Variants in TMBIM4 observed in about 807,000 individuals in gnomAD.
TMBIM4 encodes the protein transmembrane BAX inhibitor motif containing 4.
Under a neutral mutation model 27.7 loss-of-function variants are expected in TMBIM4, and 28 were observed. The ratio of observed to expected loss-of-function variants is 1.01; its 90% confidence interval spans 0.75 to 1.38. TMBIM4 has a LOEUF of 1.38. Among genes scored for constraint, TMBIM4 ranks in the 40% most tolerant of loss-of-function variants. The probability of loss-of-function intolerance (pLI) is 0.00; values close to 1 mark genes in which losing one functional copy is unlikely to be tolerated. For synonymous variants in TMBIM4, 115 were observed against 113.1 expected (o/e 1.02, Z -0.11); for missense variants, 265 against 277.5 (o/e 0.95, Z 0.32).
intron 5 of TMBIM4, among the ~76,000 whole-genome samples, chr12:66,141,970 C>T (rs764029155): frequency 6.6e-6 from 1 of 152,094 alleles, no homozygotes; most frequent in Non-Finnish European, 1.5e-5. Context: ...TATGAACCAA[C>T]TTTACCTAAT....
rs1408316152 is a variant in TMBIM4, at chr12:66,169,962, G to A, written c.-11C>T. 1.3e-5 allele frequency: 19 copies of A among 1,481,308 alleles called. No individual in the cohort carries two copies. Among genetic ancestry groups the A allele is most frequent in the Non-Finnish European group, 1.7e-5 (19 of 1,116,384 alleles). 91.8% of individuals were successfully genotyped at this position (1,481,308 alleles called of 1,614,324 possible). A position where few individuals can be genotyped will look rare whatever the true frequency, so the allele number is the denominator to read the frequency against. ...GTCGGGGTCAGCCATGATGGCAACA[G>A]CACCCCTACCGGTCCCGGTCCACTA... On this transcript the variant is annotated 5_prime_UTR_variant, in exon 1 of 7. Coordinates refer to ENST00000358230, the MANE Select transcript of TMBIM4 (RefSeq NM_016056.4).
intron 1 of TMBIM4, among the ~76,000 whole-genome samples, chr12:66,157,436 C>T (rs1000927299): frequency 6.6e-6 from 1 of 152,196 alleles, no homozygotes; most frequent in Non-Finnish European, 1.5e-5. Flanking sequence ...AAACTCTAAA[C>T]TAAAACTACC....
chr12:66,153,742 C>T (rs1277491561), intron 1 of TMBIM4, among the ~76,000 whole-genome samples: 1 of 152,004 alleles, frequency 6.6e-6, no homozygotes, highest in Non-Finnish European at 1.5e-5. Context: ...TAGTTGTACA[C>T]AGCAGGATAC....
At chr12:66,143,579 T>C (rs893105821) in intron 5 of TMBIM4, among the ~76,000 whole-genome samples, 2 of 152,142 alleles carry the variant, frequency 1.3e-5, no homozygotes, top group African/African-American at 4.8e-5. Context: ...AGTTATCATA[T>C]GTAGTTCTGA....
chr12:66,152,329 A>G lies in TMBIM4; in HGVS notation c.254T>C (p.Phe85Ser). ...LFALGSLGLIFALILNRHKYP... is the reference protein window; with the variant it reads ...LFALGSLGLISALILNRHKYP... ...CTTATGTCTGTTTAAAATCAACGCAAAAATCAAACCCAGAGATCCGAGGGC... is the reference window on the plus strand; with the variant it reads ...CTTATGTCTGTTTAAAATCAACGCAGAAATCAAACCCAGAGATCCGAGGGC... Residue 85 changes from phenylalanine to serine, a missense_variant, in exon 3 of 7, where the codon TTT becomes TCT. Coordinates refer to ENST00000358230, the MANE Select transcript of TMBIM4 (RefSeq NM_016056.4). The G allele has an allele frequency of 3.7e-6, 6 of 1,611,014 alleles. No homozygotes were observed. Among genetic ancestry groups the G allele is most frequent in the Non-Finnish European group, 5.1e-6 (6 of 1,178,160 alleles).
intron 1 of TMBIM4, chr12:66,160,025 T>G: frequency 1.8e-6 from 1 of 562,964 alleles, no homozygotes; most frequent in Non-Finnish European, 3.2e-6. Flanking sequence ...GCCAGCCCAC[T>G]ACCTGGTTTT....
At chr12:66,144,648 C>T (rs954890702) in intron 5 of TMBIM4, 1 of 152,088 alleles carries the variant, frequency 6.6e-6, no homozygotes, top group Admixed American at 6.6e-5. Context: ...TAGGCGAAAA[C>T]CCAAATACTG....
At chr12:66,151,095 A>G (rs962886141) in intron 3 of TMBIM4, among the ~76,000 whole-genome samples, 1 of 152,206 alleles carries the variant, frequency 6.6e-6, no homozygotes, top group African/African-American at 2.4e-5. Context: ...TAAATGAATA[A>G]TCTTTCCTAT....
chr12:66,169,890 C>T lies in TMBIM4; in HGVS notation c.62G>A (p.Ser21Asn). 1 of 1,503,088 alleles carries T rather than the reference C, an allele frequency of 6.7e-7. No individual in the cohort carries two copies. Among genetic ancestry groups the T allele is most frequent in the Non-Finnish European group, 8.9e-7 (1 of 1,128,132 alleles). 93.1% of individuals were successfully genotyped at this position (1,503,088 alleles called of 1,614,324 possible). ...SSIEDDFNYG[S>N]SVASATVHIR... ...GTGCACGGTGGCGGAGGCCACGCTGCTGCCATAGTTGAAGTCGTCCTCGAT... is the reference window on the plus strand; with the variant it reads ...GTGCACGGTGGCGGAGGCCACGCTGTTGCCATAGTTGAAGTCGTCCTCGAT... Residue 21 changes from serine to asparagine, a missense_variant, in exon 1 of 7, where the codon AGC becomes AAC. Physicochemically the swap from Ser to Asn is conservative, Grantham distance 46. Transcript: ENST00000358230.
chr12:66,153,051 A>T (rs946243896), intron 2 of TMBIM4, among the ~76,000 whole-genome samples: 1 of 152,096 alleles, frequency 6.6e-6, no homozygotes, highest in African/African-American at 2.4e-5. Flanking sequence ...ATAGTCTAAT[A>T]AAGTTTTTAA....
intron 1 of TMBIM4, chr12:66,169,191 A>C (rs2052188342): frequency 2.9e-6 from 2 of 683,258 alleles, no homozygotes; most frequent in Non-Finnish European, 5.3e-6. Flanking sequence ...AAACTAGAGC[A>C]GGCAATGGCT....
chr12:66,137,629 C>T lies in TMBIM4; in HGVS notation c.*331G>A, dbSNP rs934640167. On this transcript the variant is annotated 3_prime_UTR_variant, in exon 7 of 7. Coordinates refer to ENST00000358230, the MANE Select transcript of TMBIM4 (RefSeq NM_016056.4). The stretch of plus-strand genomic sequence containing the variant: ...CAGGATGGTCTCAACCTCTTGACCT[C>T]GTGATCCACCTGCCTCGGTCTCCCA... The T allele has an allele frequency of 3.8e-6, 1 of 262,552 alleles. No homozygotes were observed. Among genetic ancestry groups the T allele is most frequent in the Non-Finnish European group, 7.5e-6 (1 of 133,720 alleles). The allele number at this position is 262,552 out of a possible 1,614,324, so 16.3% of individuals were successfully genotyped here.
chr12:66,140,253 A>G (rs1230366265), intron 5 of TMBIM4, among the ~76,000 whole-genome samples: 2 of 152,212 alleles, frequency 1.3e-5, no homozygotes, highest in Non-Finnish European at 2.9e-5. Context: ...TTCAAGATCG[A>G]GGAAAGAATG....
At chr12:66,165,274 A>G (rs1157254276) in intron 1 of TMBIM4, among the ~76,000 whole-genome samples, 1 of 152,162 alleles carries the variant, frequency 6.6e-6, no homozygotes, top group Non-Finnish European at 1.5e-5. Context: ...AAAAAACAAC[A>G]AAGTTGGAGA....
intron 5 of TMBIM4, among the ~76,000 whole-genome samples, chr12:66,144,286 T>G (rs1454886078): frequency 6.6e-6 from 1 of 152,030 alleles, no homozygotes; most frequent in East Asian, 1.9e-4. Flanking sequence ...CCCGAAAAAC[T>G]ACTGAAATGA....
chr12:66,157,451 T>G (rs1384974066), intron 1 of TMBIM4, among the ~76,000 whole-genome samples: 1 of 152,214 alleles, frequency 6.6e-6, no homozygotes, highest in African/African-American at 2.4e-5. Flanking sequence ...ACTACCCATA[T>G]TCCTGACTCT....
At chr12:66,168,928 CAATT>C (rs1280128771) in intron 1 of TMBIM4, 11 of 199,490 alleles carry the variant, frequency 5.5e-5, no homozygotes, top group Non-Finnish European at 9.2e-5. Context: ...TATTTTACCA[CAATT>C]AATTTTTTTT....
rs2051885102 is a variant in TMBIM4 at position 66,153,465 on chromosome 12, A to G, written c.98-17T>C. The G allele has an allele frequency of 2.2e-6, 3 of 1,373,988 alleles. No individual in the cohort carries two copies. In the African/African-American group the frequency reaches 4.4e-5, roughly 20 times the overall value. The allele number at this position is 1,373,988 out of a possible 1,614,324, so 85.1% of individuals were successfully genotyped here. A position where few individuals can be genotyped will look rare whatever the true frequency, so the allele number is the denominator to read the frequency against. ...TCAGAAAGGCTAAAAGAGAAAAAAA[A>G]TTACATTACTATTTTCTTAACCATT... On this transcript the variant is annotated splice_polypyrimidine_tract_variant and intron_variant, in intron 1 of 6. Transcript: ENST00000358230.
At chr12:66,169,707 T>A in intron 1 of TMBIM4, 148 bp downstream of exon 1, 1 of 566,150 alleles carries the variant, frequency 1.8e-6, no homozygotes, top group East Asian at 3.5e-5. Context: ...AGTCCTCTGG[T>A]ACCCGGAGAA....
Sources: gnomAD v4.1 joint callset for allele counts (sites outside exome capture counted in the v4.1 genomes callset) on GRCh38, gnomAD v4.1.1 for gene constraint, MANE v1.5 for transcripts, NCBI Gene and HGNC (gene_info 2026-07-23, HGNC 2026-07-21) for gene names.